COX7B2: variants seen among roughly 807,000 people sequenced by gnomAD.
The protein encoded by COX7B2 is cytochrome c oxidase subunit 7B2, also known as cytochrome c oxidase subunit 7B2, mitochondrial.
For missense variants in COX7B2, 109 were observed against 95.9 expected (o/e 1.14, Z -0.57); for synonymous variants, 37 against 32.1 (o/e 1.15, Z -0.51).
rs544117377 is a variant in COX7B2, at chr4:46,835,421, C to T, written c.-50+9539G>A. ...AAAATGCAGTAACTGTTACGAGATA[C>T]GCAAACAAGTCCCCCCTCAAAAACA... On this transcript the variant is annotated intron_variant, in intron 2 of 2. Coordinates refer to ENST00000355591, the MANE Select transcript of COX7B2 (RefSeq NM_130902.3). Among the ~76,000 whole-genome samples, 3 of 151,828 alleles carry T rather than the reference C, an allele frequency of 2.0e-5. No individual in the cohort carries two copies. In the East Asian group the frequency reaches 5.8e-4, roughly 29 times the overall value.
chr4:46,791,416 T>A (rs1718040927), intron 2 of COX7B2, among the ~76,000 whole-genome samples: 1 of 152,202 alleles, frequency 6.6e-6, no homozygotes, highest in Admixed American at 6.5e-5. Context: ...TGGTTTTAAG[T>A]TTATAGGTGA....
intron 1 of COX7B2, among the ~76,000 whole-genome samples, chr4:46,875,157 T>C (rs1163875406): frequency 6.6e-6 from 1 of 152,228 alleles, no homozygotes; most frequent in Non-Finnish European, 1.5e-5. Context: ...ACCAGTTCTT[T>C]GTAATTTTTC....
In COX7B2 at chr4:46,781,792, G is replaced by A. The variant is rs535287832; in HGVS notation, c.-49-46551C>T. On this transcript the variant is annotated intron_variant, in intron 2 of 2. Transcript: ENST00000355591. ...CTTGGAGTGACCAGCTGGTGCTGCC[G>A]GCCCCAAGCAGTGAGAGGCTTAGCA... 1.8e-4 allele frequency among the ~76,000 whole-genome samples: 27 copies of A among 152,318 alleles called. 1 individual carries two copies. The South Asian group carries it at 3.7e-3, about 21-fold the overall frequency.
chr4:46,825,213 C>T (rs1012885709), intron 2 of COX7B2, among the ~76,000 whole-genome samples: 2 of 152,044 alleles, frequency 1.3e-5, no homozygotes, highest in African/African-American at 4.8e-5. Context: ...GTTCAAAAAT[C>T]ATTAGCATTC....
intron 2 of COX7B2, among the ~76,000 whole-genome samples, chr4:46,824,939 A>G (rs1005387767): frequency 2.6e-5 from 4 of 152,176 alleles, no homozygotes; most frequent in African/African-American, 4.8e-5. Flanking sequence ...TGAATAGGCA[A>G]ACGCTGGAAG....
intron 1 of COX7B2, among the ~76,000 whole-genome samples, chr4:46,894,601 C>T (rs1460048555): frequency 6.6e-6 from 1 of 152,088 alleles, no homozygotes; most frequent in South Asian, 2.1e-4. Context: ...GAAAAAGATA[C>T]CAAAAACTAT....
chr4:46,746,384 T>C (rs933268469), intron 2 of COX7B2, among the ~76,000 whole-genome samples: 3 of 152,180 alleles, frequency 2.0e-5, no homozygotes, highest in African/African-American at 7.2e-5. Context: ...GGCACAAAGA[T>C]CTAAGTGTAG....
chr4:46,842,934 G>A (rs184548092), intron 2 of COX7B2, among the ~76,000 whole-genome samples: 28 of 152,144 alleles, frequency 1.8e-4, no homozygotes, highest in African/African-American at 6.5e-4. Flanking sequence ...GGATGGCTGG[G>A]TCAAATGGTA....
intron 2 of COX7B2, among the ~76,000 whole-genome samples, chr4:46,773,524 T>G (rs184376596): frequency 2.3e-4 from 35 of 152,262 alleles, no homozygotes; most frequent in Admixed American, 2.1e-3. Flanking sequence ...CAGTTCTTTA[T>G]AGCAGTGGGA....
chr4:46,764,495 A>AT (rs1716409483), intron 2 of COX7B2, among the ~76,000 whole-genome samples: 1 of 152,090 alleles, frequency 6.6e-6, no homozygotes, highest in African/African-American at 2.4e-5. Flanking sequence ...GTGAGCCGAG[A>AT]TCAGGCCACT....
chr4:46,888,697 C>T (rs1427464541), intron 1 of COX7B2, among the ~76,000 whole-genome samples: 7 of 152,080 alleles, frequency 4.6e-5, no homozygotes, highest in East Asian at 1.9e-4. Context: ...CCTCCCGCCT[C>T]GGCCTCCCAA....
intron 2 of COX7B2, among the ~76,000 whole-genome samples, chr4:46,765,107 A>G (rs886387239): frequency 1.3e-5 from 2 of 152,088 alleles, no homozygotes; most frequent in Admixed American, 6.6e-5. Context: ...GGAAGCTGCC[A>G]GCACTTGTCC....
intron 1 of COX7B2, among the ~76,000 whole-genome samples, chr4:46,862,789 A>G (rs1423202727): frequency 6.6e-6 from 1 of 152,186 alleles, no homozygotes; most frequent in Non-Finnish European, 1.5e-5. Flanking sequence ...AGATTTGCCT[A>G]GTAGCACAAC....
intron 1 of COX7B2, among the ~76,000 whole-genome samples, chr4:46,878,378 A>G (rs1335172745): frequency 1.3e-5 from 2 of 151,942 alleles, no homozygotes; most frequent in Non-Finnish European, 2.9e-5. Context: ...AAAGTTTTCT[A>G]AAAGAGTAGA....
At chr4:46,802,115 G>T (rs977417873) in intron 2 of COX7B2, among the ~76,000 whole-genome samples, 14 of 152,130 alleles carry the variant, frequency 9.2e-5, no homozygotes. Flanking sequence ...TGGGATTTCA[G>T]TTTGAAGTGA....
chr4:46,903,256 T>A (rs1444918005), intron 1 of COX7B2, among the ~76,000 whole-genome samples: 1 of 152,140 alleles, frequency 6.6e-6, no homozygotes, highest in Non-Finnish European at 1.5e-5. Flanking sequence ...AATGCTTAGG[T>A]AAAAGTCAAT....
At chr4:46,745,651 A>G (rs1017936621) in intron 2 of COX7B2, among the ~76,000 whole-genome samples, 1 of 152,208 alleles carries the variant, frequency 6.6e-6, no homozygotes, top group African/African-American at 2.4e-5. Context: ...CTCAGCAGAA[A>G]CAGTGAGACA....
chr4:46,907,834 A>G (rs1000234546), intron 1 of COX7B2, among the ~76,000 whole-genome samples: 1 of 115,766 alleles, frequency 8.6e-6, no homozygotes, highest in African/African-American at 3.0e-5. Flanking sequence ...ATAAAAGATC[A>G]GAATTTGAGC....
chr4:46,795,552 G>A (rs1168201258), intron 2 of COX7B2, among the ~76,000 whole-genome samples: 1 of 142,742 alleles, frequency 7.0e-6, no homozygotes, highest in Non-Finnish European at 1.5e-5. Context: ...CTGTTCCATT[G>A]ATCTATATCT....
Sources: gnomAD v4.1 joint callset for allele counts (sites outside exome capture counted in the v4.1 genomes callset) on GRCh38, gnomAD v4.1.1 for gene constraint, MANE v1.5 for transcripts, NCBI Gene and HGNC (gene_info 2026-07-23, HGNC 2026-07-21) for gene names.